The following CCDC91 variants were observed in gnomAD, a reference collection of about 807,000 sequenced individuals.
CCDC91 encodes coiled-coil domain-containing protein 91.
Under a neutral mutation model 63.2 loss-of-function variants are expected in CCDC91, and 48 were observed. That is an observed-to-expected ratio of 0.76 (90% CI 0.60 to 0.97). The LOEUF (loss-of-function observed/expected upper bound fraction) is 0.97, where lower values mean the gene tolerates loss of function less well. CCDC91 is among the 50% of genes least tolerant of loss of function. The pLI is 0.00. For synonymous variants in CCDC91, 167 were observed against 165.8 expected, an observed-to-expected ratio of 1.01 and a Z score of -0.06; for missense variants, 500 against 494.6, an observed-to-expected ratio of 1.01 and a Z score of -0.10.
At chr12:28,330,568 G>A (rs546873217) in intron 6 of CCDC91, among the ~76,000 whole-genome samples, 1 of 151,856 alleles carries the variant, frequency 6.6e-6, no homozygotes, top group Non-Finnish European at 1.5e-5. Flanking sequence ...TAGGTTGCCT[G>A]TTCACTCTGA....
chr12:28,229,107 A>G lies in CCDC91; in HGVS notation c.-14-28095A>G, dbSNP rs1412751837. Among the ~76,000 whole-genome samples, 4 of 152,156 alleles carry G rather than the reference A, an allele frequency of 2.6e-5. No homozygotes were observed. In the South Asian group the frequency reaches 6.2e-4, roughly 24 times the overall value. On this transcript the variant is annotated intron_variant, in intron 1 of 12. Transcript: ENST00000536442. ...TTAAAGGCCACCTATATATGTAATCAAACTGTATTATGGGCAGTGTTGGAG... is the reference window on the plus strand; with the variant it reads ...TTAAAGGCCACCTATATATGTAATCGAACTGTATTATGGGCAGTGTTGGAG...
At chr12:28,247,119 A>G (rs1484885166) in intron 1 of CCDC91, among the ~76,000 whole-genome samples, 1 of 152,238 alleles carries the variant, frequency 6.6e-6, no homozygotes, top group African/African-American at 2.4e-5. Context: ...ATTACAGGAT[A>G]TGGATCTGAT....
At chr12:28,228,508 T>A (rs1565640570) in intron 1 of CCDC91, among the ~76,000 whole-genome samples, 1 of 152,082 alleles carries the variant, frequency 6.6e-6, no homozygotes, top group Non-Finnish European at 1.5e-5. Context: ...AGAATTCTTA[T>A]CGATGGTAAC....
intron 6 of CCDC91, among the ~76,000 whole-genome samples, chr12:28,341,176 C>T (rs1000104750): frequency 6.6e-6 from 1 of 152,184 alleles, no homozygotes; most frequent in African/African-American, 2.4e-5. Flanking sequence ...GATGTGCTCC[C>T]CTTGAAATCC....
chr12:28,500,929 G>C (rs530175439), intron 12 of CCDC91, among the ~76,000 whole-genome samples: 48 of 151,694 alleles, frequency 3.2e-4, no homozygotes, highest in African/African-American at 1.2e-3. Context: ...AATGAAACAA[G>C]TCATAGAAAT....
chr12:28,202,040 TTTC>T (rs1942491653), intron 1 of CCDC91, among the ~76,000 whole-genome samples: 1 of 152,178 alleles, frequency 6.6e-6, no homozygotes, highest in South Asian at 2.1e-4. Context: ...GTTTTCTATG[TTTC>T]TTCTCTAGTG....
chr12:28,235,112 G>A (rs578121655), intron 1 of CCDC91, among the ~76,000 whole-genome samples: 1 of 152,182 alleles, frequency 6.6e-6, no homozygotes, highest in East Asian at 1.9e-4. Flanking sequence ...ATGGAGGGTC[G>A]TTTTCTCCAG....
At chr12:28,447,800 GGGGAGGGGA>G (rs1183669432) in intron 8 of CCDC91, among the ~76,000 whole-genome samples, 4 of 30,580 alleles carry the variant, frequency 1.3e-4, no homozygotes, top group African/African-American at 3.3e-4. Context: ...GGGGAGGGGA[GGGGAGGGGA>G]GGGAGGGGAA....
intron 3 of CCDC91, chr12:28,268,573 A>C (rs549984633): frequency 3.3e-6 from 2 of 601,224 alleles, no homozygotes; most frequent in African/African-American, 4.0e-5. Context: ...CTAGAATATC[A>C]GTCTCCCCTT....
intron 1 of CCDC91, among the ~76,000 whole-genome samples, chr12:28,195,098 G>T (rs775876936): frequency 2.0e-5 from 3 of 152,194 alleles, no homozygotes; most frequent in Non-Finnish European, 2.9e-5. Flanking sequence ...ACATCCTGCA[G>T]ATTGGTCCAT....
Position 28,536,753 on chromosome 12 carries a change from T to C in CCDC91, c.1216-12310T>C, listed in dbSNP as rs150416370. 2.4e-3 allele frequency among the ~76,000 whole-genome samples: 370 copies of C among 152,312 alleles called. 1 individual carries two copies. The highest frequency in any genetic ancestry group is 5.4e-3 in the South Asian group (26 of 4,822). On this transcript the variant is annotated intron_variant, in intron 12 of 12. Coordinates refer to ENST00000536442, the MANE Select transcript of CCDC91 (RefSeq NM_018318.5). ...TGCTTTTATTATCATTGGGACAAAT[T>C]TTCCTAAATGATGATTTTGATCAGA...
At chr12:28,421,966 T>C (rs886600997) in intron 8 of CCDC91, among the ~76,000 whole-genome samples, 3 of 152,260 alleles carry the variant, frequency 2.0e-5, no homozygotes, top group African/African-American at 7.2e-5. Context: ...TCTTGAGTAC[T>C]TGTTGTGCTT....
chr12:28,324,395 C>G, intron 6 of CCDC91, among the ~76,000 whole-genome samples: 1 of 151,930 alleles, frequency 6.6e-6, no homozygotes, highest in African/African-American at 2.4e-5. Context: ...GGGCAAATAA[C>G]CTTTATGTGC....
At chr12:28,419,984 T>C (rs1947906295) in intron 8 of CCDC91, among the ~76,000 whole-genome samples, 1 of 152,060 alleles carries the variant, frequency 6.6e-6, no homozygotes, top group Non-Finnish European at 1.5e-5. Context: ...CTCGAACTCC[T>C]AGGCTCAAGT....
chr12:28,350,824 C>G (rs1035224467), intron 6 of CCDC91, among the ~76,000 whole-genome samples: 2 of 152,150 alleles, frequency 1.3e-5, no homozygotes, highest in African/African-American at 4.8e-5. Flanking sequence ...TGGCCCTCTT[C>G]CCTGTGTCTC....
At chr12:28,447,631 A>G (rs1367040580) in intron 8 of CCDC91, among the ~76,000 whole-genome samples, 4 of 148,448 alleles carry the variant, frequency 2.7e-5, no homozygotes, top group African/African-American at 5.0e-5. Flanking sequence ...TGGGAGGATC[A>G]CATGAAGCCA....
rs753845501 is a variant in CCDC91, at chr12:28,305,751, C to T, written c.212C>T (p.Pro71Leu). Residue 71 changes from proline (P) to leucine (L), a missense_variant, in exon 4 of 13, where the codon CCA becomes CTA. By Grantham distance (98) the Pro-to-Leu change is moderately conservative. Coordinates refer to ENST00000536442, the MANE Select transcript of CCDC91 (RefSeq NM_018318.5). ...CLSSDAIISS[P>L]ENTHAANSIV... is the part of the protein sequence containing the mutation. ...TCTTCTGATGCCATTATTTCATCAC[C>T]AGAGAATACACATGCAGCAAATAGC... 23 of 1,613,020 alleles carry T rather than the reference C, an allele frequency of 1.4e-5. No individual in the cohort carries two copies. The highest frequency in any genetic ancestry group is 6.6e-5 in the South Asian group (6 of 91,040).
chr12:28,284,522 C>A (rs1230918315), intron 3 of CCDC91, among the ~76,000 whole-genome samples: 1 of 151,906 alleles, frequency 6.6e-6, no homozygotes, highest in Non-Finnish European at 1.5e-5. Flanking sequence ...TGTGGTGGCA[C>A]ATGCCTGTAA....
intron 3 of CCDC91, among the ~76,000 whole-genome samples, chr12:28,282,594 A>G: frequency 6.6e-6 from 1 of 152,158 alleles, no homozygotes; most frequent in Middle Eastern, 3.2e-3. Flanking sequence ...TCTTTTTGAT[A>G]TAATGATTCC....
Sources: allele counts gnomAD v4.1 joint callset (sites outside exome capture counted in the v4.1 genomes callset), GRCh38; gene constraint gnomAD v4.1.1; transcripts MANE v1.5; gene names NCBI Gene and HGNC (gene_info 2026-07-23, HGNC 2026-07-21).